SGCD: variants seen among roughly 807,000 people sequenced by gnomAD.
SGCD encodes delta-sarcoglycan.
Under a neutral mutation model 36.6 loss-of-function variants are expected in SGCD, and 18 were observed. The ratio of observed to expected loss-of-function variants is 0.49; its 90% CI spans 0.34 to 0.73. The LOEUF (loss-of-function observed/expected upper bound fraction) is 0.73, where lower values mean the gene tolerates loss of function less well. Among genes scored for constraint, SGCD ranks in the 30% least tolerant of loss-of-function variants. SGCD has a pLI of 0.01. For synonymous variants in SGCD, 133 were observed against 130.6 expected, an observed-to-expected ratio of 1.02 and a Z score of -0.12; for missense variants, 387 against 346.7, an observed-to-expected ratio of 1.12 and a Z score of -0.92.
At chr5:156,524,214 TTATA>T (rs1248501539) in intron 4 of SGCD, among the ~76,000 whole-genome samples, 5 of 119,046 alleles carry the variant, frequency 4.2e-5, no homozygotes, top group Non-Finnish European at 8.8e-5. Context: ...ATATAGGTCT[TTATA>T]TATATAAAGA....
At chr5:156,575,919 T>C (rs1298014172) in intron 4 of SGCD, among the ~76,000 whole-genome samples, 1 of 152,120 alleles carries the variant, frequency 6.6e-6, no homozygotes, top group East Asian at 1.9e-4. Context: ...CTCATAAAAA[T>C]TTGGGAGCTC....
intron 1 of SGCD, among the ~76,000 whole-genome samples, chr5:156,007,460 A>G (rs185660702): frequency 3.7e-4 from 56 of 152,330 alleles, no homozygotes; most frequent in African/African-American, 1.3e-3. Context: ...TCACATTAAA[A>G]TTGTCTGAAT....
intron 1 of SGCD, among the ~76,000 whole-genome samples, chr5:156,112,902 A>G (rs892935466): frequency 6.6e-6 from 1 of 152,126 alleles, no homozygotes; most frequent in Non-Finnish European, 1.5e-5. Context: ...CTACCTCTTG[A>G]TGGGGTTAAA....
chr5:155,768,859 C>T, the SGCD span, among the ~76,000 whole-genome samples: 1 of 152,134 alleles, frequency 6.6e-6, no homozygotes, highest in Non-Finnish European at 1.5e-5. Context: ...TTTCAGATCT[C>T]ATGTTTCCTC....
chr5:155,772,054 G>A, the SGCD span, among the ~76,000 whole-genome samples: 23 of 152,296 alleles, frequency 1.5e-4, no homozygotes, highest in African/African-American at 4.8e-4. Flanking sequence ...AATTCAAAGT[G>A]GAGAATACTT....
intron 6 of SGCD, among the ~76,000 whole-genome samples, chr5:156,605,764 C>T (rs1219218910): frequency 6.6e-6 from 1 of 152,210 alleles, no homozygotes; most frequent in Non-Finnish European, 1.5e-5. Flanking sequence ...GAGGGTATCT[C>T]ATTGTGGTTT....
chr5:156,006,312 A>G (rs777581928), intron 1 of SGCD, among the ~76,000 whole-genome samples: 1 of 152,180 alleles, frequency 6.6e-6, no homozygotes, highest in Non-Finnish European at 1.5e-5. Flanking sequence ...TTGATTTTGA[A>G]TTCAGTACCA....
the SGCD span, among the ~76,000 whole-genome samples, chr5:155,861,238 G>A: frequency 7.2e-5 from 11 of 152,308 alleles, no homozygotes; most frequent in Non-Finnish European, 1.3e-4. Flanking sequence ...TAGCACAGAA[G>A]CATGTATCAG....
intron 3 of SGCD, among the ~76,000 whole-genome samples, chr5:156,274,035 AG>A (rs759654827): frequency 1.7e-4 from 26 of 152,046 alleles, no homozygotes; most frequent in Non-Finnish European, 3.1e-4. Flanking sequence ...TTGCATCCCC[AG>A]GGGGCTGTAC....
chr5:155,752,488 T>C, the SGCD span, among the ~76,000 whole-genome samples: 2 of 152,170 alleles, frequency 1.3e-5, no homozygotes, highest in African/African-American at 4.8e-5. Context: ...TGCTCAGAGA[T>C]GTTTATTCTG....
At chr5:156,543,612 C>A (rs1287498428) in intron 4 of SGCD, among the ~76,000 whole-genome samples, 1 of 152,176 alleles carries the variant, frequency 6.6e-6, no homozygotes, top group Non-Finnish European at 1.5e-5. Context: ...ATGCTGGACA[C>A]ATGGGTTTGC....
chr5:156,083,798 T>TTTTG (rs202051213), intron 1 of SGCD, among the ~76,000 whole-genome samples: 8 of 152,008 alleles, frequency 5.3e-5, no homozygotes, highest in African/African-American at 9.7e-5. Context: ...TGTTTTTGTT[T>TTTTG]TTTGTTTGTT....
chr5:156,463,322 A>G (rs7717944), intron 3 of SGCD, among the ~76,000 whole-genome samples: 56,855 of 151,928 alleles, frequency 0.37, 11,687 homozygotes, highest in African/African-American at 0.55. Flanking sequence ...GATTACAGAC[A>G]TGAGCCACCG....
chr5:156,324,258 A>G (rs1210006135), upstream of SGCD, among the ~76,000 whole-genome samples: 1 of 152,176 alleles, frequency 6.6e-6, no homozygotes, highest in East Asian at 1.9e-4. Flanking sequence ...AAATCATCAC[A>G]TTTGAGGTTA....
chr5:156,416,994 T>C (rs1055677467), intron 3 of SGCD, among the ~76,000 whole-genome samples: 3 of 152,186 alleles, frequency 2.0e-5, no homozygotes, highest in African/African-American at 7.2e-5. Context: ...TTCAATTCCA[T>C]ATCATATTCT....
chr5:156,679,763 C>CTTTCTTGCTTTTCTTCTCCACT (rs1475935832), intron 7 of SGCD, among the ~76,000 whole-genome samples: 43 of 152,312 alleles, frequency 2.8e-4, no homozygotes, highest in Middle Eastern at 6.8e-3. Context: ...GACTTTCCTT[C>CTTTCTTGCTTTTCTTCTCCACT]TTTCTTGCTT....
chr5:156,614,669 C>T (rs976455836), intron 6 of SGCD, among the ~76,000 whole-genome samples: 6 of 152,164 alleles, frequency 3.9e-5, no homozygotes, highest in African/African-American at 1.4e-4. Flanking sequence ...AGATGTCCTA[C>T]ATATGGTTTA....
intron 6 of SGCD, among the ~76,000 whole-genome samples, chr5:156,606,073 G>T (rs966165564): frequency 2.0e-4 from 30 of 152,068 alleles, no homozygotes; most frequent in Non-Finnish European, 3.7e-4. Context: ...GTCAATTTTG[G>T]CTTTTGTTGC....
intron 6 of SGCD, among the ~76,000 whole-genome samples, chr5:156,643,427 C>T (rs535463982): frequency 6.6e-6 from 1 of 152,152 alleles, no homozygotes; most frequent in East Asian, 1.9e-4. Context: ...CTACAGCCTC[C>T]TGCTTGATAC....
Sources: allele counts gnomAD v4.1 joint callset (sites outside exome capture counted in the v4.1 genomes callset), GRCh38; gene constraint gnomAD v4.1.1; transcripts MANE v1.5; gene names NCBI Gene and HGNC (gene_info 2026-07-23, HGNC 2026-07-21).